Variants in UBN2 observed in about 807,000 individuals in gnomAD.
UBN2 encodes the protein ubinuclein 2.
Under a neutral mutation model 120.2 loss-of-function variants are expected in UBN2, and 35 were observed. The observed-to-expected ratio is 0.29, with a 90% CI of 0.22 to 0.39. UBN2 has a LOEUF of 0.39. Among genes scored for constraint, UBN2 ranks in the 10% least tolerant of loss-of-function variants. The probability of loss-of-function intolerance (pLI) is 1.00; values close to 1 mark genes in which losing one functional copy is unlikely to be tolerated. For synonymous variants in UBN2, 661 were observed against 648.7 expected (o/e 1.02, Z -0.29); for missense variants, 1,693 against 1,663.2 (o/e 1.02, Z -0.31).
chr7:139,284,265 C>T lies in UBN2; in HGVS notation c.3360C>T (p.Ser1120=), dbSNP rs1458717953. ...AACAGCCCAGTGGAATGAACATCAG[C>T]AGACAGTCTCCCACCTTGAATTTAT... ...VHKQPSGMNI[S]RQSPTLNLLP... The change falls in exon 15 of 18, where the codon AGC becomes AGT. Residue 1120 remains serine, a synonymous_variant. Coordinates refer to ENST00000473989, the MANE Select transcript of UBN2 (RefSeq NM_173569.4). 1 of 1,614,198 alleles carries T rather than the reference C, an allele frequency of 6.2e-7. No individual in the cohort carries two copies. Among genetic ancestry groups the T allele is most frequent in the Admixed American group, 1.7e-5 (1 of 60,026 alleles).
intron 7 of UBN2, among the ~76,000 whole-genome samples, chr7:139,268,776 T>G (rs1797174196): frequency 6.6e-6 from 1 of 152,238 alleles, no homozygotes. Context: ...TTTGGTTAAT[T>G]ACAAATTTAT....
At chr7:139,326,269 A>G in the UBN2 span, among the ~76,000 whole-genome samples, 1 of 151,998 alleles carries the variant, frequency 6.6e-6, no homozygotes. Flanking sequence ...ACAAACAAAC[A>G]AACAAACAAA....
rs2131087153 is a variant in UBN2 at position 139,302,252 on chromosome 7, A to C, written c.*4416A>C. On this transcript the variant is annotated 3_prime_UTR_variant, in exon 18 of 18. Transcript: ENST00000473989. ...TTCTATGTATATGGATATATGTGTA[A>C]GATACATACATTACATATATATAAA... 6.6e-6 allele frequency: 1 copy of C among 152,352 alleles called. No individual in the cohort carries two copies. Among genetic ancestry groups the C allele is most frequent in the South Asian group, 2.1e-4 (1 of 4,826 alleles). 9.4% of individuals were successfully genotyped at this position (152,352 alleles called of 1,614,324 possible).
intron 15 of UBN2, among the ~76,000 whole-genome samples, chr7:139,292,489 A>C (rs73154107): frequency 0.048 from 7,374 of 152,236 alleles, 304 homozygotes; most frequent in African/African-American, 0.1. Flanking sequence ...GTAATTTCAG[A>C]AAAGTAATAA....
the UBN2 span, among the ~76,000 whole-genome samples, chr7:139,323,658 T>C: frequency 6.6e-6 from 1 of 151,324 alleles, no homozygotes; most frequent in African/African-American, 2.4e-5. Flanking sequence ...GGCGCGATCT[T>C]GGCTCACTGC....
At position 139,302,283 on chromosome 7, in the gene UBN2, G is replaced by A. The variant is rs1046452895; in HGVS notation, c.*4447G>A. On this transcript the variant is annotated 3_prime_UTR_variant, in exon 18 of 18. Transcript: ENST00000473989. ...ATACATTACATATATATAAAACTAGGAGCTGCTGTACCATTGCATCCTTTC... is the reference window on the plus strand; with the variant it reads ...ATACATTACATATATATAAAACTAGAAGCTGCTGTACCATTGCATCCTTTC... 1.3e-5 allele frequency: 2 copies of A among 152,288 alleles called. No homozygotes were observed. Among genetic ancestry groups the A allele is most frequent in the East Asian group, 3.9e-4 (2 of 5,186 alleles). 9.4% of individuals were successfully genotyped at this position (152,288 alleles called of 1,614,324 possible).
In UBN2 at chr7:139,303,448, C is replaced by T. The variant is rs915536455; in HGVS notation, c.*5612C>T. 1 of 152,142 alleles carries T rather than the reference C, an allele frequency of 6.6e-6. No homozygotes were observed. The highest frequency in any genetic ancestry group is 1.5e-5 in the Non-Finnish European group (1 of 68,022). The allele number at this position is 152,142 out of a possible 1,614,324, so 9.4% of individuals were successfully genotyped here. A position where few individuals can be genotyped will look rare whatever the true frequency, so the allele number is the denominator to read the frequency against. ...AGACTAGTGGCTTAAAAGGAGAAAG[C>T]AGAAGCTCCTGGTAGTGTTACCTGA... On this transcript the variant is annotated 3_prime_UTR_variant, in exon 18 of 18. Coordinates refer to ENST00000473989, the MANE Select transcript of UBN2 (RefSeq NM_173569.4).
chr7:139,254,065 C>T (rs1280881262), intron 3 of UBN2, among the ~76,000 whole-genome samples: 4 of 152,040 alleles, frequency 2.6e-5, no homozygotes, highest in East Asian at 1.9e-4. Context: ...AGGCAGAGGC[C>T]GGCAGATCAC....
chr7:139,292,341 AT>A (rs1436496151), intron 15 of UBN2, among the ~76,000 whole-genome samples: 3 of 152,092 alleles, frequency 2.0e-5, no homozygotes, highest in Non-Finnish European at 4.4e-5. Flanking sequence ...TTTCTTATTT[AT>A]TTTTTTAAAG....
the UBN2 span, among the ~76,000 whole-genome samples, chr7:139,315,743 T>C: frequency 1.3e-5 from 2 of 152,110 alleles, no homozygotes; most frequent in African/African-American, 2.4e-5. Context: ...CCATTTTACA[T>C]ACCCACCAGC....
intron 2 of UBN2, among the ~76,000 whole-genome samples, chr7:139,248,122 A>ATT (rs1796521748): frequency 3.3e-5 from 5 of 152,312 alleles, no homozygotes; most frequent in Admixed American, 2.0e-4. Context: ...TGATATCTTA[A>ATT]CATATTGCTT....
rs75662405 is a variant in UBN2, at chr7:139,237,257, C to T, written c.561+160C>T. On this transcript the variant is annotated intron_variant, in intron 2 of 17. Coordinates refer to ENST00000473989, the MANE Select transcript of UBN2 (RefSeq NM_173569.4). Reference sequence around the variant, plus strand: ...TTAGACAGTCAAATAAAGATTCCAACAGGCTTGTGATAGTTAAAGTAGCCA... The same window carrying T: ...TTAGACAGTCAAATAAAGATTCCAATAGGCTTGTGATAGTTAAAGTAGCCA... Among the ~76,000 whole-genome samples, 1,411 of 152,276 alleles carry T rather than the reference C, an allele frequency of 9.3e-3. 24 individuals carry two copies. The highest frequency in any genetic ancestry group is 0.032 in the African/African-American group (1,340 of 41,558).
At position 139,237,100 on chromosome 7, in the gene UBN2, G is replaced by T. The variant is rs747129002; in HGVS notation, c.561+3G>T. ...CTAAGAAGTTTGAAATGAAATATGT[G>T]AGTATAATAAACTGATCACTTAGGT... On this transcript the variant is annotated splice_donor_region_variant and intron_variant, in intron 2 of 17. Transcript: ENST00000473989. 1 of 1,600,020 alleles carries T rather than the reference G, an allele frequency of 6.2e-7. No individual in the cohort carries two copies. Among genetic ancestry groups the T allele is most frequent in the Non-Finnish European group, 8.6e-7 (1 of 1,169,506 alleles).
intron 1 of UBN2, among the ~76,000 whole-genome samples, chr7:139,235,991 G>A (rs56239109): frequency 0.24 from 36,807 of 151,988 alleles, 7,642 homozygotes; most frequent in African/African-American, 0.55. Flanking sequence ...CATTGAATCT[G>A]TATCAATATT....
chr7:139,286,043 T>C (rs1797777361), intron 15 of UBN2, among the ~76,000 whole-genome samples: 1 of 152,238 alleles, frequency 6.6e-6, no homozygotes, highest in Non-Finnish European at 1.5e-5. Context: ...TCTCCCTGCC[T>C]CAGCTTCCTG....
chr7:139,258,912 C>T (rs1796845742), intron 4 of UBN2, among the ~76,000 whole-genome samples: 2 of 152,226 alleles, frequency 1.3e-5, no homozygotes, highest in South Asian at 4.2e-4. Context: ...ATATTAATAG[C>T]TGTTACCTTT....
intron 2 of UBN2, among the ~76,000 whole-genome samples, chr7:139,250,486 G>A (rs796335088): frequency 2.7e-4 from 41 of 151,282 alleles, no homozygotes; most frequent in African/African-American, 9.5e-4. Flanking sequence ...CGCCTGCCTC[G>A]ACCTCCCAAA....
intron 15 of UBN2, among the ~76,000 whole-genome samples, chr7:139,286,910 G>A (rs918693384): frequency 6.6e-6 from 1 of 152,120 alleles, no homozygotes; most frequent in African/African-American, 2.4e-5. Context: ...TGTAGGCATA[G>A]GAATGACTGG....
intron 8 of UBN2, among the ~76,000 whole-genome samples, chr7:139,269,797 A>G (rs1797209422): frequency 6.6e-6 from 1 of 152,070 alleles, no homozygotes; most frequent in Admixed American, 6.6e-5. Context: ...TTTTTAATAT[A>G]AGTACTCACC....
Sources: gnomAD v4.1 joint callset for allele counts (sites outside exome capture counted in the v4.1 genomes callset) on GRCh38, gnomAD v4.1.1 for gene constraint, MANE v1.5 for transcripts, NCBI Gene and HGNC (gene_info 2026-07-23, HGNC 2026-07-21) for gene names.